The following CDH13 variants were observed in gnomAD, a reference collection of about 807,000 sequenced individuals.
The protein encoded by CDH13 is cadherin-13.
Under a neutral mutation model 63.8 loss-of-function variants are expected in CDH13, and 24 were observed. The ratio of observed to expected loss-of-function variants is 0.38; its 90% CI spans 0.27 to 0.53. The LOEUF (loss-of-function observed/expected upper bound fraction) is 0.53. CDH13 is among the 20% of genes least tolerant of loss of function. The pLI is 0.85. For missense variants in CDH13, 1,049 were observed against 903.1 expected, an observed-to-expected ratio of 1.16 and a Z score of -2.07; for synonymous variants, 503 against 355.3, an observed-to-expected ratio of 1.42 and a Z score of -4.67.
intron 1 of CDH13, chr16:82,773,400 C>G (rs1364894874): frequency 1.3e-5 from 2 of 152,318 alleles, no homozygotes; most frequent in South Asian, 2.1e-4. Flanking sequence ...CCCTGCCCTG[C>G]TCCCACTTCT....
At chr16:83,291,610 G>C (rs567960355) in intron 5 of CDH13, among the ~76,000 whole-genome samples, 64 of 152,080 alleles carry the variant, frequency 4.2e-4, no homozygotes, top group African/African-American at 1.5e-3. Context: ...TATTTCCACA[G>C]AGACCAAGAT....
In CDH13 at chr16:83,320,865, T is replaced by A. The variant is rs144430851; in HGVS notation, c.637-23997T>A. 7.2e-4 allele frequency among the ~76,000 whole-genome samples: 109 copies of A among 152,238 alleles called. 1 individual carries two copies. In the East Asian group the frequency reaches 0.015, roughly 21 times the overall value. On this transcript the variant is annotated intron_variant, in intron 5 of 13. Coordinates refer to ENST00000567109, the MANE Select transcript of CDH13 (RefSeq NM_001257.5). ...GAGAGTTGGAAGTTACCGAACAGAT[T>A]TTAGGGATGGAAGAATTTAGGAACT...
intron 6 of CDH13, among the ~76,000 whole-genome samples, chr16:83,484,692 C>G (rs2073847388): frequency 6.6e-6 from 1 of 152,186 alleles, no homozygotes; most frequent in Non-Finnish European, 1.5e-5. Context: ...ACCACCATTA[C>G]CAGGGAGAAG....
chr16:82,730,204 T>G (rs2033324722), intron 1 of CDH13, among the ~76,000 whole-genome samples: 1 of 152,212 alleles, frequency 6.6e-6, no homozygotes, highest in South Asian at 2.1e-4. Context: ...ACAACTTGGT[T>G]GATTGGCCTA....
At chr16:83,711,735 T>G (rs1012088417) in intron 10 of CDH13, among the ~76,000 whole-genome samples, 2 of 152,196 alleles carry the variant, frequency 1.3e-5, no homozygotes, top group Non-Finnish European at 2.9e-5. Context: ...CAGGCTGGTC[T>G]CGAACTCCTG....
At chr16:82,992,003 T>C (rs2151406987) in intron 2 of CDH13, among the ~76,000 whole-genome samples, 1 of 152,262 alleles carries the variant, frequency 6.6e-6, no homozygotes, top group South Asian at 2.1e-4. Flanking sequence ...GAGGAAATAA[T>C]TTCTAGCAAA....
chr16:83,361,051 C>A (rs569902271), intron 6 of CDH13, among the ~76,000 whole-genome samples: 1 of 152,174 alleles, frequency 6.6e-6, no homozygotes, highest in Non-Finnish European at 1.5e-5. Context: ...TACATTCCCA[C>A]GAACAGTATA....
chr16:83,491,876 C>G (rs1036072885), intron 7 of CDH13, among the ~76,000 whole-genome samples: 1 of 151,996 alleles, frequency 6.6e-6, no homozygotes, highest in African/African-American at 2.4e-5. Flanking sequence ...AATTTTTAGG[C>G]CAGATGTAAA....
At chr16:83,428,879 T>C (rs1169261727) in intron 6 of CDH13, among the ~76,000 whole-genome samples, 1 of 152,260 alleles carries the variant, frequency 6.6e-6, no homozygotes, top group Non-Finnish European at 1.5e-5. Context: ...ATTCTTGGTT[T>C]ATTTGTTAAA....
At chr16:83,178,432 A>C (rs543628981) in intron 4 of CDH13, among the ~76,000 whole-genome samples, 42 of 152,180 alleles carry the variant, frequency 2.8e-4, no homozygotes, top group Admixed American at 2.8e-3. Context: ...TCTTCTTGGG[A>C]CCATAATTTC....
intron 4 of CDH13, among the ~76,000 whole-genome samples, chr16:83,136,508 GAAAT>G (rs908808810): frequency 1.4e-4 from 19 of 139,424 alleles, no homozygotes; most frequent in African/African-American, 4.7e-4. Context: ...AAAAAAAAAA[GAAAT>G]AGACTTCACT....
chr16:83,464,051 A>G (rs1310609270), intron 6 of CDH13, among the ~76,000 whole-genome samples: 3 of 152,116 alleles, frequency 2.0e-5, no homozygotes, highest in Non-Finnish European at 2.9e-5. Context: ...CCTTTATGCT[A>G]TGTTCTAGGG....
At chr16:82,664,549 T>G (rs1461014905) in intron 1 of CDH13, among the ~76,000 whole-genome samples, 1 of 152,150 alleles carries the variant, frequency 6.6e-6, no homozygotes, top group East Asian at 1.9e-4. Context: ...AAGCATGACT[T>G]TCTGAGGGAG....
At position 83,047,000 on chromosome 16, in the gene CDH13, T is replaced by C. The variant is rs182517752; in HGVS notation, c.366+14782T>C. On this transcript the variant is annotated intron_variant, in intron 3 of 13. Coordinates refer to ENST00000567109, the MANE Select transcript of CDH13 (RefSeq NM_001257.5). ...AAATCAGATGGTTTCCTCAACTGTC[T>C]ATCTTTCTGCAGCAAATCCTTTGAC... is the stretch of plus-strand genomic sequence containing the variant. Among the ~76,000 whole-genome samples the C allele has an allele frequency of 8.0e-4, 122 of 152,342 alleles. 1 individual carries two copies. Among genetic ancestry groups the C allele is most frequent in the African/African-American group, 2.7e-3 (111 of 41,576 alleles).
At chr16:83,073,331 G>C (rs1463049650) in intron 3 of CDH13, among the ~76,000 whole-genome samples, 2 of 131,752 alleles carry the variant, frequency 1.5e-5, no homozygotes, top group African/African-American at 6.5e-5. Flanking sequence ...CTGTGTGTGT[G>C]TGTGTGTGTG....
chr16:83,474,002 G>A (rs1360067808), intron 6 of CDH13, among the ~76,000 whole-genome samples: 1 of 152,048 alleles, frequency 6.6e-6, no homozygotes, highest in African/African-American at 2.4e-5. Flanking sequence ...ACCAACTTTT[G>A]TATTCATTCA....
intron 3 of CDH13, among the ~76,000 whole-genome samples, chr16:83,075,940 G>T (rs1235824411): frequency 6.6e-6 from 1 of 152,198 alleles, no homozygotes. Flanking sequence ...ATACCTTTAA[G>T]TGGCAGGATC....
intron 2 of CDH13, among the ~76,000 whole-genome samples, chr16:82,911,432 G>A (rs1306887508): frequency 6.6e-6 from 1 of 152,050 alleles, no homozygotes; most frequent in South Asian, 2.1e-4. Context: ...CCCTGTTTAG[G>A]AAAAAGTGAC....
intron 2 of CDH13, among the ~76,000 whole-genome samples, chr16:82,873,233 C>G (rs1255525688): frequency 6.6e-6 from 1 of 152,028 alleles, no homozygotes; most frequent in Non-Finnish European, 1.5e-5. Context: ...ATACTGTGAT[C>G]CAGGAGGAGG....
Sources: gnomAD v4.1 joint callset for allele counts (sites outside exome capture counted in the v4.1 genomes callset) on GRCh38, gnomAD v4.1.1 for gene constraint, MANE v1.5 for transcripts, NCBI Gene and HGNC (gene_info 2026-07-23, HGNC 2026-07-21) for gene names.